Variants in LINGO2 observed in about 807,000 individuals in gnomAD.
LINGO2 encodes leucine rich repeat and Ig domain containing 2.
In LINGO2, 14 loss-of-function variants were observed where a neutral mutation model predicts 30.6. The ratio of observed to expected loss-of-function variants is 0.46; its 90% CI spans 0.30 to 0.72. The LOEUF (loss-of-function observed/expected upper bound fraction) is 0.72. LINGO2 is among the 30% of genes least tolerant of loss of function. LINGO2 has a pLI of 0.07. For missense variants in LINGO2, 729 were observed against 751.7 expected, an observed-to-expected ratio of 0.97 and a Z score of 0.35; for synonymous variants, 317 against 288.5, an observed-to-expected ratio of 1.10 and a Z score of -1.00.
chr9:29,026,560 TATAG>T, the LINGO2 span, among the ~76,000 whole-genome samples: 9 of 152,082 alleles, frequency 5.9e-5, no homozygotes, highest in East Asian at 1.9e-4. Flanking sequence ...GAAAAAACAG[TATAG>T]ATATTTATAT....
chr9:28,606,966 G>GC (rs932580727), intron 1 of LINGO2, among the ~76,000 whole-genome samples: 7 of 152,056 alleles, frequency 4.6e-5, no homozygotes, highest in Admixed American at 1.3e-4. Context: ...TTTATTAGGA[G>GC]CCCCTTATTT....
the LINGO2 span, among the ~76,000 whole-genome samples, chr9:28,875,631 T>TA: frequency 6.6e-6 from 1 of 152,112 alleles, no homozygotes; most frequent in Non-Finnish European, 1.5e-5. Flanking sequence ...CACGTCGAAA[T>TA]TTTACCTTTC....
At chr9:28,064,202 T>A (rs535105459) in intron 4 of LINGO2, among the ~76,000 whole-genome samples, 1 of 152,266 alleles carries the variant, frequency 6.6e-6, no homozygotes, top group South Asian at 2.1e-4. Context: ...GGTCTCTTGC[T>A]GTGTTTAGGA....
At chr9:27,976,381 G>C (rs1458450644) in intron 5 of LINGO2, among the ~76,000 whole-genome samples, 1 of 152,052 alleles carries the variant, frequency 6.6e-6, no homozygotes, top group Non-Finnish European at 1.5e-5. Context: ...TGTTCTAAAA[G>C]TGTGAATGTT....
intron 4 of LINGO2, among the ~76,000 whole-genome samples, chr9:28,200,899 CAAAGA>C (rs925190931): frequency 6.6e-6 from 1 of 151,722 alleles, no homozygotes; most frequent in Non-Finnish European, 1.5e-5. Flanking sequence ...GGTGAATCTA[CAAAGA>C]AAAGATTAAA....
rs73431353 is a variant in LINGO2 at position 28,310,763 on chromosome 9, T to C, written c.-245-15397A>G. Among the ~76,000 whole-genome samples, 1,177 of 152,294 alleles carry C rather than the reference T, an allele frequency of 7.7e-3. 21 individuals are homozygous for C. The highest frequency in any genetic ancestry group is 0.027 in the African/African-American group (1,135 of 41,540). ...AATAAAGCTGATTTAAATAAACAAA[T>C]GGGATATAAGTATAAAGTTTAATTT... On this transcript the variant is annotated intron_variant, in intron 3 of 5. Coordinates refer to ENST00000379992, the Ensembl canonical transcript of LINGO2.
the LINGO2 span, among the ~76,000 whole-genome samples, chr9:28,815,443 T>C: frequency 6.6e-6 from 1 of 152,298 alleles, no homozygotes; most frequent in Non-Finnish European, 1.5e-5. Context: ...CCATTATTAA[T>C]ATAAGAGCAC....
At chr9:28,993,274 G>A in the LINGO2 span, among the ~76,000 whole-genome samples, 1 of 152,060 alleles carries the variant, frequency 6.6e-6, no homozygotes, top group Admixed American at 6.6e-5. Flanking sequence ...AGAAGAAATG[G>A]ATAAATTCCT....
intron 2 of LINGO2, among the ~76,000 whole-genome samples, chr9:28,461,109 C>T (rs1423013375): frequency 6.6e-6 from 1 of 151,924 alleles, no homozygotes; most frequent in Non-Finnish European, 1.5e-5. Flanking sequence ...CTACAGTTTG[C>T]TACAAATATT....
At chr9:28,388,769 T>C (rs1419220804) in intron 2 of LINGO2, among the ~76,000 whole-genome samples, 1 of 152,212 alleles carries the variant, frequency 6.6e-6, no homozygotes, top group African/African-American at 2.4e-5. Flanking sequence ...AGGAATTCTT[T>C]GATGCCTGAG....
the LINGO2 span, among the ~76,000 whole-genome samples, chr9:29,089,709 A>T: frequency 6.6e-6 from 1 of 152,210 alleles, no homozygotes; most frequent in East Asian, 1.9e-4. Context: ...ACAACTCAGT[A>T]AATATTTGTT....
At chr9:28,641,549 T>G (rs1001125398) in intron 1 of LINGO2, among the ~76,000 whole-genome samples, 1 of 152,140 alleles carries the variant, frequency 6.6e-6, no homozygotes, top group African/African-American at 2.4e-5. Flanking sequence ...AGACCCAACA[T>G]AGATTGAGCA....
chr9:28,022,774 A>C (rs888682343), intron 4 of LINGO2, among the ~76,000 whole-genome samples: 1 of 151,506 alleles, frequency 6.6e-6, no homozygotes, highest in East Asian at 1.9e-4. Context: ...TATTACTTAC[A>C]TTTCTTCTGT....
At chr9:29,151,627 G>A in the LINGO2 span, among the ~76,000 whole-genome samples, 1 of 151,524 alleles carries the variant, frequency 6.6e-6, no homozygotes, top group Admixed American at 6.6e-5. Flanking sequence ...AATAAAACAG[G>A]CTTTAAACCA....
chr9:28,240,857 G>A (rs1160549239), intron 4 of LINGO2, among the ~76,000 whole-genome samples: 1 of 152,114 alleles, frequency 6.6e-6, no homozygotes, highest in Non-Finnish European at 1.5e-5. Context: ...AAAAAGCACA[G>A]TAAAGAAAAG....
intron 4 of LINGO2, among the ~76,000 whole-genome samples, chr9:28,125,182 T>G (rs1827203021): frequency 1.3e-5 from 2 of 152,204 alleles, no homozygotes; most frequent in South Asian, 4.1e-4. Flanking sequence ...CATTGGCTAT[T>G]TGGCTAAAGC....
At chr9:28,700,054 G>A in the LINGO2 span, among the ~76,000 whole-genome samples, 2 of 151,942 alleles carry the variant, frequency 1.3e-5, no homozygotes, top group Admixed American at 6.6e-5. Context: ...TTTGAAGCAT[G>A]TGATCTTTGT....
the LINGO2 span, among the ~76,000 whole-genome samples, chr9:29,116,274 G>C: frequency 6.6e-6 from 1 of 151,788 alleles, no homozygotes; most frequent in South Asian, 2.1e-4. Flanking sequence ...TTGACTAGCA[G>C]AAAAAAGAAT....
chr9:28,620,051 A>ACTTGTTTGTCCATGTACAGCCATGTAT (rs1228059630), intron 1 of LINGO2, among the ~76,000 whole-genome samples: 29 of 126,830 alleles, frequency 2.3e-4, no homozygotes, highest in Non-Finnish European at 4.8e-4. Context: ...CAGCCATGTA[A>ACTTGTTTGTCCATGTACAGCCATGTAT]CCACACTATT....
Sources: allele counts gnomAD v4.1 joint callset (sites outside exome capture counted in the v4.1 genomes callset), GRCh38; gene constraint gnomAD v4.1.1; transcripts MANE v1.5; gene names NCBI Gene and HGNC (gene_info 2026-07-23, HGNC 2026-07-21).